DNER: variants seen among roughly 807,000 people sequenced by gnomAD.
DNER encodes delta and Notch-like epidermal growth factor-related receptor.
DNER carries 33 observed loss-of-function variants against 78.2 expected under a neutral mutation model. The ratio of observed to expected loss-of-function variants is 0.42; its 90% CI spans 0.32 to 0.56. The LOEUF is 0.56. Among genes scored for constraint, DNER ranks in the 20% least tolerant of loss-of-function variants. The pLI is 0.11. For missense variants in DNER, 918 were observed against 975.3 expected (o/e 0.94, Z 0.78); for synonymous variants, 417 against 384.8 (o/e 1.08, Z -0.98).
chr2:229,406,179 G>A (rs1346371106), intron 10 of DNER, among the ~76,000 whole-genome samples: 1 of 152,190 alleles, frequency 6.6e-6, no homozygotes, highest in Admixed American at 6.5e-5. Flanking sequence ...ATTCTCCGGG[G>A]CTTGGGAGGT....
At chr2:229,712,484 C>A (rs1414363789) in intron 1 of DNER, among the ~76,000 whole-genome samples, 2 of 152,158 alleles carry the variant, frequency 1.3e-5, no homozygotes, top group African/African-American at 4.8e-5. Context: ...CATCCATTCC[C>A]ACTAAACCCT....
intron 1 of DNER, among the ~76,000 whole-genome samples, chr2:229,631,561 G>A (rs1291342641): frequency 6.6e-6 from 1 of 152,114 alleles, no homozygotes; most frequent in Non-Finnish European, 1.5e-5. Flanking sequence ...ATGTACTCCT[G>A]CATACTGAGC....
intron 1 of DNER, among the ~76,000 whole-genome samples, chr2:229,652,381 C>T (rs930406637): frequency 1.3e-5 from 2 of 152,216 alleles, no homozygotes; most frequent in Admixed American, 1.3e-4. Context: ...GACCAACTAA[C>T]ACTTAAGTTG....
chr2:229,599,205 G>A (rs1697781051), intron 1 of DNER, among the ~76,000 whole-genome samples: 1 of 152,188 alleles, frequency 6.6e-6, no homozygotes, highest in Non-Finnish European at 1.5e-5. Context: ...TAGAGGCAAG[G>A]ATGGGAAAGA....
intron 5 of DNER, among the ~76,000 whole-genome samples, chr2:229,536,335 G>T (rs1696405171): frequency 6.6e-6 from 1 of 152,166 alleles, no homozygotes; most frequent in Non-Finnish European, 1.5e-5. Flanking sequence ...ACCCTGGTTT[G>T]GTTGGGGCTT....
intron 12 of DNER, among the ~76,000 whole-genome samples, chr2:229,363,985 CTTTT>C (rs10600729): frequency 1.3e-5 from 1 of 77,836 alleles, no homozygotes; most frequent in Non-Finnish European, 2.5e-5. Context: ...CAATTCTCTG[CTTTT>C]TTTTTTTTTT....
chr2:229,572,204 G>T (rs947284483), intron 4 of DNER, among the ~76,000 whole-genome samples: 1 of 152,068 alleles, frequency 6.6e-6, no homozygotes, highest in Non-Finnish European at 1.5e-5. Context: ...CTGCTCTTCA[G>T]TTCAAGGCCA....
At chr2:229,494,009 G>A (rs894896108) in intron 6 of DNER, among the ~76,000 whole-genome samples, 31 of 152,044 alleles carry the variant, frequency 2.0e-4, no homozygotes, top group African/African-American at 6.5e-4. Flanking sequence ...ATATAACTTC[G>A]GGCAATAAGC....
intron 1 of DNER, among the ~76,000 whole-genome samples, chr2:229,685,585 G>C (rs1699471277): frequency 6.6e-6 from 1 of 152,198 alleles, no homozygotes; most frequent in Non-Finnish European, 1.5e-5. Context: ...AAGAGAAATG[G>C]ATAAACGGGC....
At position 229,357,900 on chromosome 2, in the gene DNER, AG is replaced by A. The variant is rs1443731818; in HGVS notation, c.*639del. 5.9e-5 allele frequency: 9 copies of A among 152,650 alleles called. No individual in the cohort carries two copies. Among genetic ancestry groups the A allele is most frequent in the East Asian group, 1.9e-4 (1 of 5,202 alleles). The allele number at this position is 152,650 out of a possible 1,614,324, so 9.5% of individuals were successfully genotyped here. A position where few individuals can be genotyped will look rare whatever the true frequency, so the allele number is the denominator to read the frequency against. On this transcript the variant is annotated 3_prime_UTR_variant, in exon 13 of 13. Transcript: ENST00000341772. ...CAAATCAATCAGAATTTGCCTCGCTAGGCCTTTTCGTTACGTATGTTTTTGA... is the reference window on the plus strand; with the variant it reads ...CAAATCAATCAGAATTTGCCTCGCTAGCCTTTTCGTTACGTATGTTTTTGA...
intron 1 of DNER, among the ~76,000 whole-genome samples, chr2:229,606,886 C>T (rs1697951727): frequency 6.6e-6 from 1 of 152,100 alleles, no homozygotes; most frequent in Admixed American, 6.6e-5. Flanking sequence ...GAGAGCAAAA[C>T]TCCATCTCAA....
At chr2:229,548,627 A>G (rs1168873570) in intron 4 of DNER, among the ~76,000 whole-genome samples, 1 of 152,162 alleles carries the variant, frequency 6.6e-6, no homozygotes, top group East Asian at 1.9e-4. Flanking sequence ...CAGCATTAGG[A>G]GAAATACCTA....
rs376723054 is a variant in DNER at position 229,388,386 on chromosome 2, G to A, written c.1734C>T (p.Cys578=). The change falls in exon 11 of 13, where the codon TGC becomes TGT. Residue 578 remains cysteine (C), a synonymous_variant. Transcript: ENST00000341772. ...TGTCACATTCATTTATGTCAATGTC[G>A]CACTCTTCACCTAGGGAGATAAGAA... The part of the protein sequence containing the change: ...ICAPGFTGEE[C]DIDINECDSN... 244 of 1,608,608 alleles carry A rather than the reference G, an allele frequency of 1.5e-4. No homozygotes were observed. Among genetic ancestry groups the A allele is most frequent in the African/African-American group, 3.1e-4 (23 of 74,432 alleles).
intron 4 of DNER, among the ~76,000 whole-genome samples, chr2:229,575,814 G>A (rs1697288014): frequency 6.6e-6 from 1 of 152,046 alleles, no homozygotes; most frequent in Non-Finnish European, 1.5e-5. Context: ...ATAGAAATAG[G>A]GCATGGAGTT....
intron 1 of DNER, among the ~76,000 whole-genome samples, chr2:229,680,156 G>A (rs1699361991): frequency 6.6e-6 from 1 of 152,138 alleles, no homozygotes; most frequent in Non-Finnish European, 1.5e-5. Flanking sequence ...ATAAAAGGAA[G>A]GCAATCATCC....
intron 9 of DNER, among the ~76,000 whole-genome samples, chr2:229,412,824 G>A (rs1693552384): frequency 6.6e-6 from 1 of 152,198 alleles, no homozygotes; most frequent in South Asian, 2.1e-4. Context: ...GGACAGGAAC[G>A]CTGGCTGAGT....
rs1262099434 is a variant in DNER, at chr2:229,477,214, C to T, written c.1187G>A (p.Cys396Tyr). 1 of 1,613,656 alleles carries T rather than the reference C, an allele frequency of 6.2e-7. No homozygotes were observed. ...GELCQSKIDY[C>Y]ILDPCRNGAT... ...TCCATTTCTGCATGGGTCTAGGATG[C>T]AGTAATCAATCTTGGACTGGCAAAG... The change falls in exon 7 of 13, where the codon TGC (cysteine) becomes TAC (tyrosine). Residue 396 changes from cysteine to tyrosine, a missense_variant. Cys to Tyr is a radical substitution (Grantham distance 194). Coordinates refer to ENST00000341772, the MANE Select transcript of DNER (RefSeq NM_139072.4).
At chr2:229,449,141 A>G (rs1200029008) in intron 7 of DNER, among the ~76,000 whole-genome samples, 1 of 152,194 alleles carries the variant, frequency 6.6e-6, no homozygotes, top group Non-Finnish European at 1.5e-5. Context: ...AATGTACCAT[A>G]CAATCAGTTT....
At chr2:229,463,646 C>T (rs979054454) in intron 7 of DNER, among the ~76,000 whole-genome samples, 1 of 152,108 alleles carries the variant, frequency 6.6e-6, no homozygotes, top group East Asian at 1.9e-4. Flanking sequence ...CCCTATGTTG[C>T]CCAGGCTTGT....
Sources: gnomAD v4.1 joint callset for allele counts (sites outside exome capture counted in the v4.1 genomes callset) on GRCh38, gnomAD v4.1.1 for gene constraint, MANE v1.5 for transcripts, NCBI Gene and HGNC (gene_info 2026-07-23, HGNC 2026-07-21) for gene names.